ATP8B2: variants seen among roughly 807,000 people sequenced by gnomAD.
ATP8B2 encodes ATPase phospholipid transporting 8B2, also known as phospholipid-transporting ATPase ID.
ATP8B2 carries 70 observed loss-of-function variants against 133.4 expected under a neutral mutation model. That is an observed-to-expected ratio of 0.52 (90% CI 0.43 to 0.64). ATP8B2 has a LOEUF of 0.64. Ranked by LOEUF, ATP8B2 falls within the 30% of genes least tolerant of loss-of-function variation. The pLI is 0.00. For synonymous variants in ATP8B2, 517 were observed against 589.5 expected (o/e 0.88, Z 1.78); for missense variants, 1,101 against 1,535.7 (o/e 0.72, Z 4.73).
chr1:154,325,845 G>C (rs931619787), intron 1 of ATP8B2, 143 bp downstream of exon 1: 32 of 153,824 alleles, frequency 2.1e-4, no homozygotes, highest in African/African-American at 7.5e-4. Context: ...TTTGGGAGCT[G>C]CGGCCAGACG....
intron 13 of ATP8B2, chr1:154,341,791 CAAA>C (rs5777908): frequency 2.8e-5 from 4 of 142,158 alleles, no homozygotes; most frequent in Admixed American, 7.0e-5. Context: ...GAAAGTCTAT[CAAA>C]AAAAAAAAAA....
At position 154,328,922 on chromosome 1, in the gene ATP8B2, C is replaced by T. The variant is rs1462693860; in HGVS notation, c.31+750C>T. The T allele has an allele frequency of 6.2e-6, 8 of 1,283,664 alleles. No individual in the cohort carries two copies. Among genetic ancestry groups the T allele is most frequent in the African/African-American group, 1.6e-5 (1 of 63,638 alleles). The allele number at this position is 1,283,664 out of a possible 1,614,324, so 79.5% of individuals were successfully genotyped here. ...GCTCCTGCACCTCCCCGGGGAGCCG[C>T]CCCGTCGATGCCACTAAGGCCAAGG... On this transcript the variant is annotated intron_variant, in intron 2 of 27. Transcript: ENST00000368489. This position sits in a 1 kb window ranked among gnomAD's most constrained non-coding sequence, Gnocchi z 4.6.
At chr1:154,336,465 CA>C (rs34095788) in intron 11 of ATP8B2, among the ~76,000 whole-genome samples, 104,856 of 146,872 alleles carry the variant, frequency 0.71, 38,054 homozygotes, top group East Asian at 0.86. Flanking sequence ...AAAAAAATTG[CA>C]AAAAAAAATC....
intron 12 of ATP8B2, chr1:154,337,784 ACATG>A: frequency 7.0e-7 from 1 of 1,426,010 alleles, no homozygotes; most frequent in Non-Finnish European, 9.3e-7. Context: ...CCTATTTATT[ACATG>A]CCTACTGTGT....
intron 11 of ATP8B2, among the ~76,000 whole-genome samples, chr1:154,335,427 C>A (rs1424168791): frequency 1.3e-5 from 2 of 152,152 alleles, no homozygotes; most frequent in Admixed American, 1.3e-4. Context: ...AGTGGTGGCT[C>A]ACACCTGTAA....
intron 13 of ATP8B2, chr1:154,341,434 A>T (rs1686381340): frequency 2.9e-6 from 1 of 346,722 alleles, no homozygotes; most frequent in South Asian, 2.4e-5. Context: ...TCAAGGCTGC[A>T]GTGAGCCATG....
intron 27 of ATP8B2, 120 bp from the exon 28 acceptor site, chr1:154,348,720 A>T: frequency 2.9e-6 from 4 of 1,386,304 alleles, no homozygotes; most frequent in Non-Finnish European, 2.9e-6. Flanking sequence ...GCCTGGTCCC[A>T]GGTGCTGTGG....
rs564402160 is a variant in ATP8B2 at position 154,334,973 on chromosome 1, C to G, written c.837+382C>G. Among the ~76,000 whole-genome samples, 24 of 152,260 alleles carry G rather than the reference C, an allele frequency of 1.6e-4. No individual in the cohort carries two copies. The highest frequency in any genetic ancestry group is 2.4e-4 in the Non-Finnish European group (16 of 68,026). On this transcript the variant is annotated intron_variant, in intron 11 of 27. Transcript: ENST00000368489. This position sits in a 1 kb window ranked among gnomAD's most constrained non-coding sequence, Gnocchi z 4.6. The stretch of plus-strand genomic sequence containing the variant: ...AAGAGGTTGGCAGGGTCTTTTCCCC[C>G]CAACTTCTAAGAACGAAGGATCCCA...
chr1:154,345,726 C>A lies in ATP8B2; in HGVS notation c.2695-74C>A. On this transcript the variant is annotated intron_variant, in intron 23 of 27. Coordinates refer to ENST00000368489, the MANE Select transcript of ATP8B2 (RefSeq NM_001370597.1). This position sits in a 1 kb window ranked among gnomAD's most constrained non-coding sequence, Gnocchi z 5.6. ...ATTTCTTAGGGTTCTCTGTATGTGACATCAGCTGTCTTCCTGTGCCTGATG... is the reference window on the plus strand; with the variant it reads ...ATTTCTTAGGGTTCTCTGTATGTGAAATCAGCTGTCTTCCTGTGCCTGATG... 7.0e-7 allele frequency: 1 copy of A among 1,422,832 alleles called. No individual in the cohort carries two copies. The highest frequency in any genetic ancestry group is 9.9e-7 in the Non-Finnish European group (1 of 1,008,210). 88.1% of individuals were successfully genotyped at this position (1,422,832 alleles called of 1,614,324 possible).
chr1:154,344,321 C>T lies in ATP8B2; in HGVS notation c.2035+67C>T, dbSNP rs916737180. 33 of 1,614,060 alleles carry T rather than the reference C, an allele frequency of 2.0e-5. 1 individual carries two copies. In the Middle Eastern group the frequency reaches 6.6e-4, roughly 32 times the overall value. ...GCCCTGTTGGACCCTTGCATGGAGCCGAGGACATCAGGCAGGCAAGTGTGC... is the reference window on the plus strand; with the variant it reads ...GCCCTGTTGGACCCTTGCATGGAGCTGAGGACATCAGGCAGGCAAGTGTGC... On this transcript the variant is annotated intron_variant, in intron 19 of 27. Transcript: ENST00000368489. This position sits in a 1 kb window ranked among gnomAD's most constrained non-coding sequence, Gnocchi z 4.1.
intron 9 of ATP8B2, among the ~76,000 whole-genome samples, chr1:154,333,704 G>A (rs2483710): frequency 0.71 from 104,947 of 147,068 alleles, 38,013 homozygotes; most frequent in East Asian, 0.86. Flanking sequence ...GTGCGATCTC[G>A]GCTCACTGCA....
chr1:154,331,008 G>T lies in ATP8B2; in HGVS notation c.205-40G>T, dbSNP rs1299024808. The stretch of plus-strand genomic sequence containing the variant: ...AAGAGGAAAGGGAATGAAGGCATCA[G>T]ATGGGGCCTCAGAGGCATACTTCTC... On this transcript the variant is annotated intron_variant, in intron 4 of 27. Transcript: ENST00000368489. This position sits in a 1 kb window ranked among gnomAD's most constrained non-coding sequence, Gnocchi z 4.8. The T allele has an allele frequency of 6.2e-7, 1 of 1,603,624 alleles. No homozygotes were observed. Among genetic ancestry groups the T allele is most frequent in the Non-Finnish European group, 8.5e-7 (1 of 1,170,580 alleles).
rs143978883 is a variant in ATP8B2 at position 154,346,278 on chromosome 1, G to A, written c.2826G>A (p.Pro942=). The A allele has an allele frequency of 9.0e-5, 146 of 1,613,992 alleles. 1 individual carries two copies. The highest frequency in any genetic ancestry group is 3.2e-5 in the Non-Finnish European group (38 of 1,180,030). Residue 942 remains proline (P), a synonymous_variant, in exon 25 of 28, where the codon CCG becomes CCA. Transcript: ENST00000368489. The surrounding 1 kb of genome is among the most constrained non-coding windows in gnomAD (Gnocchi z 4.5). ...RSMEYPKLYE[P]GQLNLLFNKR... ...TGGAGTACCCTAAGCTGTATGAGCCGGGCCAGCTGAACCTTCTCTTCAACA... is the reference window on the plus strand; with the variant it reads ...TGGAGTACCCTAAGCTGTATGAGCCAGGCCAGCTGAACCTTCTCTTCAACA...
intron 12 of ATP8B2, among the ~76,000 whole-genome samples, chr1:154,339,165 C>G (rs1686293594): frequency 6.6e-6 from 1 of 152,240 alleles, no homozygotes; most frequent in South Asian, 2.1e-4. Flanking sequence ...CCCAATCTTA[C>G]TGCTGGTGAT....
chr1:154,330,367 C>T lies in ATP8B2; in HGVS notation c.32-29C>T, dbSNP rs949337826. The T allele has an allele frequency of 1.9e-6, 3 of 1,611,484 alleles. No homozygotes were observed. The African/African-American group carries it at 4.0e-5, about 22-fold the overall frequency. ...TGTTGGTCCAGACCTCAGTTTGCTC[C>T]TCCTGACTGCAGCATCATTTTGTTG... On this transcript the variant is annotated intron_variant, in intron 2 of 27. Transcript: ENST00000368489.
intron 11 of ATP8B2, among the ~76,000 whole-genome samples, chr1:154,336,032 G>C (rs2633438): frequency 6.8e-6 from 1 of 146,656 alleles, no homozygotes. Flanking sequence ...ACAGAGCAAG[G>C]CTCCATCTCA....
intron 1 of ATP8B2, chr1:154,327,865 T>C (rs764973544): frequency 1.2e-6 from 2 of 1,613,024 alleles, no homozygotes; most frequent in African/African-American, 1.3e-5. Flanking sequence ...CCTACAGGCA[T>C]GGGCTTCTGT....
intron 12 of ATP8B2, chr1:154,337,747 G>GA (rs11448687): frequency 0.28 from 413,314 of 1,478,446 alleles, 53,760 homozygotes; most frequent in African/African-American, 0.36. Context: ...CTGTATTAGA[G>GA]AAAAAAAAAT....
chr1:154,351,159 T>G lies in ATP8B2; in HGVS notation c.*2041T>G, dbSNP rs1686777424. On this transcript the variant is annotated 3_prime_UTR_variant, in exon 28 of 28. Coordinates refer to ENST00000368489, the MANE Select transcript of ATP8B2 (RefSeq NM_001370597.1). ...ATATTATTTTTTGGTTCTCTCTCGT[T>G]TTTTAGGGAGGGAAGAAAGTACCAA... The G allele has an allele frequency of 6.6e-6, 1 of 150,900 alleles. No homozygotes were observed. Among genetic ancestry groups the G allele is most frequent in the Admixed American group, 6.6e-5 (1 of 15,088 alleles). The allele number at this position is 150,900 out of a possible 1,614,324, so 9.3% of individuals were successfully genotyped here.
Sources: gnomAD v4.1 joint callset for allele counts (sites outside exome capture counted in the v4.1 genomes callset) on GRCh38, gnomAD v4.1.1 for gene constraint, Gnocchi (gnomAD v3.1) non-coding constraint, MANE v1.5 for transcripts, NCBI Gene and HGNC (gene_info 2026-07-23, HGNC 2026-07-21) for gene names.